The following DLGAP2 variants were observed in gnomAD, a reference collection of about 807,000 sequenced individuals.
DLGAP2 encodes the protein DLG associated protein 2, also known as disks large-associated protein 2.
In DLGAP2, 26 loss-of-function variants were observed where a neutral mutation model predicts 100.3. That is an observed-to-expected ratio of 0.26 (90% CI 0.19 to 0.36). DLGAP2 has a LOEUF of 0.36. Ranked by LOEUF, DLGAP2 falls within the 10% of genes least tolerant of loss-of-function variation. The pLI is 1.00. For missense variants in DLGAP2, 1,858 were observed against 1,453.2 expected (o/e 1.28, Z -4.53); for synonymous variants, 886 against 630.1 (o/e 1.41, Z -6.08).
At chr8:1,589,093 G>A (rs947121345) in intron 6 of DLGAP2, among the ~76,000 whole-genome samples, 2 of 152,182 alleles carry the variant, frequency 1.3e-5, no homozygotes, top group Non-Finnish European at 2.9e-5. Context: ...TGAATGCACA[G>A]TAATCCCAAT....
At chr8:1,038,715 T>C (rs965494060) in intron 2 of DLGAP2, among the ~76,000 whole-genome samples, 23 of 152,202 alleles carry the variant, frequency 1.5e-4, no homozygotes, top group African/African-American at 5.5e-4. Flanking sequence ...AAAGGAATAA[T>C]AGGACTCAAA....
At chr8:1,664,529 G>A (rs571237476) in intron 8 of DLGAP2, among the ~76,000 whole-genome samples, 5 of 152,098 alleles carry the variant, frequency 3.3e-5, no homozygotes, top group South Asian at 2.1e-4. Context: ...TGAAATCAGC[G>A]AATCTTACAA....
chr8:980,599 G>T (rs571419231), intron 2 of DLGAP2, among the ~76,000 whole-genome samples: 20 of 152,174 alleles, frequency 1.3e-4, no homozygotes, highest in Non-Finnish European at 2.2e-4. Context: ...GCTGTCCATG[G>T]CGCTGAACTC....
intron 6 of DLGAP2, among the ~76,000 whole-genome samples, chr8:1,605,368 G>A (rs544820081): frequency 6.6e-6 from 1 of 152,180 alleles, no homozygotes; most frequent in Non-Finnish European, 1.5e-5. Context: ...GGCTCTCAGA[G>A]TGCGTGCCTC....
At chr8:1,374,117 G>T (rs1327858011) in intron 3 of DLGAP2, among the ~76,000 whole-genome samples, 3 of 148,888 alleles carry the variant, frequency 2.0e-5, no homozygotes, top group Non-Finnish European at 2.9e-5. Flanking sequence ...CTGTGTGGTG[G>T]AGGTTAGGTT....
At position 1,086,056 on chromosome 8, in the gene DLGAP2, T is replaced by C. The variant is rs1803963909; in HGVS notation, c.74-172795T>C. Among the ~76,000 whole-genome samples the C allele has an allele frequency of 2.0e-5, 3 of 152,192 alleles. No individual in the cohort carries two copies. The South Asian group carries it at 6.2e-4, about 32-fold the overall frequency. ...TAATGGGATTGTTCTCTTGATTTCT[T>C]TTTTAGAAAGTTTATTGTTAGTGTA... On this transcript the variant is annotated intron_variant, in intron 2 of 14. Transcript: ENST00000637795.
In DLGAP2 at chr8:1,457,700, A is replaced by G. The variant is rs76508420; in HGVS notation, c.107-43666A>G. On this transcript the variant is annotated intron_variant, in intron 3 of 14. Coordinates refer to ENST00000637795, the MANE Select transcript of DLGAP2 (RefSeq NM_001346810.2). ...ATTTCTCTTCCCTCTAATGCAAAGCATAACTTCCTTCATGAAAGCCAAATA... is the reference window on the plus strand; with the variant it reads ...ATTTCTCTTCCCTCTAATGCAAAGCGTAACTTCCTTCATGAAAGCCAAATA... Among the ~76,000 whole-genome samples the G allele has an allele frequency of 5.2e-3, 784 of 152,150 alleles. 5 individuals carry two copies. Among genetic ancestry groups the G allele is most frequent in the African/African-American group, 0.018 (736 of 41,512 alleles).
In DLGAP2 at chr8:1,258,843, G is replaced by A. The variant is rs1318280290; in HGVS notation, c.74-8G>A. 8.1e-7 allele frequency: 1 copy of A among 1,231,736 alleles called. No homozygotes were observed. The highest frequency in any genetic ancestry group is 3.2e-5 in the East Asian group (1 of 31,680). 76.3% of individuals were successfully genotyped at this position (1,231,736 alleles called of 1,614,324 possible). A position where few individuals can be genotyped will look rare whatever the true frequency, so the allele number is the denominator to read the frequency against. Reference sequence around the variant, plus strand: ...GGTGTAACAGCTTCTCTCTGTCTCTGTTTTCAGAGTCGCAGTGCACGCTCT... The same window carrying A: ...GGTGTAACAGCTTCTCTCTGTCTCTATTTTCAGAGTCGCAGTGCACGCTCT... On this transcript the variant is annotated splice_region_variant and splice_polypyrimidine_tract_variant and intron_variant, in intron 2 of 14. Transcript: ENST00000637795.
At chr8:1,350,896 G>T (rs1801705374) in intron 3 of DLGAP2, among the ~76,000 whole-genome samples, 1 of 126,180 alleles carries the variant, frequency 7.9e-6, no homozygotes, top group African/African-American at 3.1e-5. Flanking sequence ...GACTGTGCGT[G>T]GAAAGGCCGT....
At chr8:794,287 G>A (rs531678675) in intron 1 of DLGAP2, among the ~76,000 whole-genome samples, 10 of 152,128 alleles carry the variant, frequency 6.6e-5, no homozygotes, top group South Asian at 2.1e-4. Flanking sequence ...CAGCTCGGTC[G>A]GGGAGACCCT....
rs1365904013 is a variant in DLGAP2, at chr8:1,548,812, A to T, written c.359A>T (p.Tyr120Phe). Residue 120 changes from tyrosine (Y) to phenylalanine (F), a missense_variant, in exon 5 of 15, where the codon TAC (tyrosine) becomes TTC (phenylalanine). By Grantham distance (22) the Tyr-to-Phe change is conservative (BLOSUM62 3). Transcript: ENST00000637795. ...LHHGPDARPP[Y>F]LLSPADSCPG... is the part of the protein sequence containing the mutation. ...CACGGGCCCGACGCGCGGCCGCCCT[A>T]CCTGCTGAGCCCCGCCGACAGCTGC... 1.3e-6 allele frequency: 2 copies of T among 1,580,950 alleles called. No homozygotes were observed. Among genetic ancestry groups the T allele is most frequent in the Admixed American group, 3.5e-5 (2 of 57,928 alleles).
rs114786684 is a variant in DLGAP2, at chr8:1,435,058, C to T, written c.107-66308C>T. ...AACATTTCAATGGTCACTTTGGCTC[C>T]GCCGTCCTTATTGCTCCTGGAAGCT... On this transcript the variant is annotated intron_variant, in intron 3 of 14. Transcript: ENST00000637795. Among the ~76,000 whole-genome samples, 917 of 152,284 alleles carry T rather than the reference C, an allele frequency of 6.0e-3. 12 individuals are homozygous for T. The highest frequency in any genetic ancestry group is 0.019 in the African/African-American group (788 of 41,554).
intron 2 of DLGAP2, among the ~76,000 whole-genome samples, chr8:1,231,712 G>T (rs576573285): frequency 1.3e-5 from 2 of 152,168 alleles, no homozygotes; most frequent in African/African-American, 4.8e-5. Flanking sequence ...TATACTAAAA[G>T]AACTAACACA....
chr8:814,057 T>G (rs1796419669), intron 1 of DLGAP2, among the ~76,000 whole-genome samples: 1 of 152,138 alleles, frequency 6.6e-6, no homozygotes, highest in African/African-American at 2.4e-5. Context: ...GGAAAAGAAC[T>G]CAGAAAAAGA....
intron 2 of DLGAP2, among the ~76,000 whole-genome samples, chr8:1,256,898 T>A (rs1799234843): frequency 6.6e-6 from 1 of 152,060 alleles, no homozygotes; most frequent in South Asian, 2.1e-4. Context: ...GCCTTGTGAA[T>A]GGTGGTGGCT....
chr8:1,090,810 T>C (rs1327212643), intron 2 of DLGAP2, among the ~76,000 whole-genome samples: 2 of 152,348 alleles, frequency 1.3e-5, no homozygotes, highest in East Asian at 3.9e-4. Context: ...TAGGGAAAAT[T>C]CTTTTCATCG....
rs557455857 is a variant in DLGAP2 at position 1,707,396 on chromosome 8, C to T, written c.*5990C>T. 7.9e-5 allele frequency: 12 copies of T among 152,274 alleles called. No homozygotes were observed. The highest frequency in any genetic ancestry group is 1.3e-4 in the Non-Finnish European group (9 of 68,088). 9.4% of individuals were successfully genotyped at this position (152,274 alleles called of 1,614,324 possible). A position where few individuals can be genotyped will look rare whatever the true frequency, so the allele number is the denominator to read the frequency against. ...CGTGGTACCTTATGGAAGCCACTCA[C>T]GCATTCTCTGATTTACCCCCAAAAC... is the stretch of plus-strand genomic sequence containing the variant. On this transcript the variant is annotated 3_prime_UTR_variant, in exon 15 of 15. Transcript: ENST00000637795.
intron 3 of DLGAP2, among the ~76,000 whole-genome samples, chr8:1,347,913 T>C (rs1801604438): frequency 6.7e-6 from 1 of 149,056 alleles, no homozygotes; most frequent in Admixed American, 6.7e-5. Flanking sequence ...CAGAGCTACA[T>C]TGCACTCATG....
intron 1 of DLGAP2, among the ~76,000 whole-genome samples, chr8:822,355 G>A (rs968562198): frequency 6.6e-6 from 1 of 151,946 alleles, no homozygotes; most frequent in African/African-American, 2.4e-5. Flanking sequence ...ACAGGCAGCC[G>A]GGTATGGTAA....
Sources: gnomAD v4.1 joint callset for allele counts (sites outside exome capture counted in the v4.1 genomes callset) on GRCh38, gnomAD v4.1.1 for gene constraint, MANE v1.5 for transcripts, NCBI Gene and HGNC (gene_info 2026-07-23, HGNC 2026-07-21) for gene names.